Variants in NTN1 observed in about 807,000 individuals in gnomAD.
NTN1 encodes netrin 1.
Under a neutral mutation model 54.2 loss-of-function variants are expected in NTN1, and 11 were observed. The observed-to-expected ratio is 0.20, with a 90% CI of 0.13 to 0.34. NTN1 has a LOEUF of 0.34. Among genes scored for constraint, NTN1 ranks in the 10% least tolerant of loss-of-function variants. NTN1 has a pLI of 1.00. For synonymous variants in NTN1, 371 were observed against 382.0 expected (o/e 0.97, Z 0.33); for missense variants, 740 against 893.1 (o/e 0.83, Z 2.18).
chr17:9,174,175 A>T (rs559221983), intron 3 of NTN1: 2 of 152,438 alleles, frequency 1.3e-5, no homozygotes, highest in South Asian at 2.1e-4. Flanking sequence ...TCTAAAGATC[A>T]TGGAAGCTGA....
At chr17:9,236,190 C>A (rs1303142840) in intron 6 of NTN1, among the ~76,000 whole-genome samples, 1 of 152,016 alleles carries the variant, frequency 6.6e-6, no homozygotes, top group East Asian at 1.9e-4. Flanking sequence ...AGGCCATGGT[C>A]CTAAGATGGG....
chr17:9,151,452 C>T (rs980313871), intron 2 of NTN1, among the ~76,000 whole-genome samples: 3 of 152,332 alleles, frequency 2.0e-5, no homozygotes, highest in Non-Finnish European at 4.4e-5. Flanking sequence ...CTGACTGTGA[C>T]TCCGGGCACT....
At chr17:9,052,318 A>G (rs1236801615) in intron 2 of NTN1, among the ~76,000 whole-genome samples, 6 of 152,196 alleles carry the variant, frequency 3.9e-5, no homozygotes, top group African/African-American at 1.4e-4. Context: ...GGGCATAATC[A>G]TTGAACATTG....
chr17:9,059,664 G>A (rs2091989899), intron 2 of NTN1, among the ~76,000 whole-genome samples: 1 of 152,158 alleles, frequency 6.6e-6, no homozygotes, highest in Non-Finnish European at 1.5e-5. Context: ...AGGGGAAATG[G>A]GGAGTGACTG....
At chr17:9,005,793 G>A in the NTN1 span, among the ~76,000 whole-genome samples, 1 of 152,194 alleles carries the variant, frequency 6.6e-6, no homozygotes, top group Non-Finnish European at 1.5e-5. Context: ...GGGGTGAACT[G>A]TGCACCCAGC....
chr17:9,120,595 G>C (rs2142261101), intron 2 of NTN1, among the ~76,000 whole-genome samples: 1 of 152,316 alleles, frequency 6.6e-6, no homozygotes, highest in Non-Finnish European at 1.5e-5. Flanking sequence ...TGCACCTGCT[G>C]CCTACATCTG....
At chr17:9,057,827 G>A (rs1414044878) in intron 2 of NTN1, among the ~76,000 whole-genome samples, 1 of 152,116 alleles carries the variant, frequency 6.6e-6, no homozygotes, top group Non-Finnish European at 1.5e-5. Flanking sequence ...AGACTTGTTT[G>A]GCCAGGGAAA....
chr17:9,027,618 G>A (rs2091875443), intron 2 of NTN1, among the ~76,000 whole-genome samples: 1 of 151,984 alleles, frequency 6.6e-6, no homozygotes, highest in Non-Finnish European at 1.5e-5. Context: ...AACTGGGCGT[G>A]GTTCCCTGGT....
intron 2 of NTN1, among the ~76,000 whole-genome samples, chr17:9,092,189 G>A (rs534895413): frequency 7.0e-4 from 106 of 151,830 alleles, no homozygotes; most frequent in African/African-American, 2.3e-3. Flanking sequence ...CACACCTGGC[G>A]ACTGGCTTAT....
intron 2 of NTN1, among the ~76,000 whole-genome samples, chr17:9,129,096 C>T (rs568222407): frequency 3.3e-5 from 5 of 152,204 alleles, no homozygotes; most frequent in East Asian, 3.9e-4. Flanking sequence ...TTCGTTGCCT[C>T]GGCCAGCAAA....
intron 2 of NTN1, among the ~76,000 whole-genome samples, chr17:9,079,182 T>TG (rs982152296): frequency 6.6e-6 from 1 of 152,188 alleles, no homozygotes; most frequent in Non-Finnish European, 1.5e-5. Flanking sequence ...AAGGACCCCT[T>TG]CTGTAGACCC....
At chr17:9,080,124 T>A (rs1351924493) in intron 2 of NTN1, among the ~76,000 whole-genome samples, 2 of 152,258 alleles carry the variant, frequency 1.3e-5, no homozygotes, top group South Asian at 4.1e-4. Context: ...CTAGCAGGCC[T>A]GTTTCCAGGC....
chr17:9,028,611 C>CAGTG (rs2091879046), intron 2 of NTN1, among the ~76,000 whole-genome samples: 1 of 152,208 alleles, frequency 6.6e-6, no homozygotes, highest in Non-Finnish European at 1.5e-5. Context: ...ATTGGAAAGG[C>CAGTG]AGTGGGTTGA....
rs147681249 is a variant in NTN1 at position 9,066,295 on chromosome 17, A to G, written c.1018+42904A>G. On this transcript the variant is annotated intron_variant, in intron 2 of 6. Transcript: ENST00000173229. ...AAAAAAGATATCATAAAGACATCAT[A>G]AGCTTCCATTGGTTACTTTTAGTAT... Among the ~76,000 whole-genome samples, 560 of 152,258 alleles carry G rather than the reference A, an allele frequency of 3.7e-3. 3 individuals are homozygous for G. Among genetic ancestry groups the G allele is most frequent in the African/African-American group, 0.012 (512 of 41,544 alleles).
In NTN1 at chr17:9,022,367, A is replaced by T. The variant is rs939886418; in HGVS notation, c.-7A>T. 3 of 1,298,856 alleles carry T rather than the reference A, an allele frequency of 2.3e-6. No individual in the cohort carries two copies. The highest frequency in any genetic ancestry group is 2.9e-6 in the Non-Finnish European group (3 of 1,031,084). 80.5% of individuals were successfully genotyped at this position (1,298,856 alleles called of 1,614,324 possible). On this transcript the variant is annotated 5_prime_UTR_variant, in exon 2 of 7. Coordinates refer to ENST00000173229, the MANE Select transcript of NTN1 (RefSeq NM_004822.3). The stretch of plus-strand genomic sequence containing the variant: ...GCGCGGCAGGGCCGGGGCAAGCTGG[A>T]CGCAGCATGATGCGCGCAGTGTGGG...
chr17:9,080,459 C>CTT (rs1567705517), intron 2 of NTN1, among the ~76,000 whole-genome samples: 3 of 152,214 alleles, frequency 2.0e-5, no homozygotes, highest in African/African-American at 7.2e-5. Context: ...AGTGTTATCT[C>CTT]TAACTTAGAA....
At chr17:9,024,707 A>G (rs2091864388) in intron 2 of NTN1, among the ~76,000 whole-genome samples, 1 of 152,226 alleles carries the variant, frequency 6.6e-6, no homozygotes, top group African/African-American at 2.4e-5. Flanking sequence ...TCCTGGTCTG[A>G]AGACGCCGGG....
At chr17:9,203,007 C>T (rs1011228717) in intron 5 of NTN1, among the ~76,000 whole-genome samples, 5 of 152,128 alleles carry the variant, frequency 3.3e-5, no homozygotes, top group Admixed American at 1.3e-4. Context: ...CTGCAAGCTC[C>T]GCCTTCCGGG....
At chr17:9,148,762 C>A (rs750577281) in intron 2 of NTN1, among the ~76,000 whole-genome samples, 13 of 151,940 alleles carry the variant, frequency 8.6e-5, no homozygotes, top group Non-Finnish European at 1.9e-4. Context: ...TGTCCCTGTC[C>A]ACGAGCAGGA....
Sources: gnomAD v4.1 joint callset for allele counts (sites outside exome capture counted in the v4.1 genomes callset) on GRCh38, gnomAD v4.1.1 for gene constraint, MANE v1.5 for transcripts, NCBI Gene and HGNC (gene_info 2026-07-23, HGNC 2026-07-21) for gene names.